Variants in RBPMS observed in about 807,000 individuals in gnomAD.
RBPMS encodes the protein RNA binding protein, mRNA processing factor, also known as RNA-binding protein with multiple splicing.
A neutral mutation model predicts 26.8 loss-of-function variants in RBPMS; 7 were observed. The ratio of observed to expected loss-of-function variants is 0.26; its 90% CI spans 0.15 to 0.49. The LOEUF is 0.49. RBPMS is among the 20% of genes least tolerant of loss of function. The probability of loss-of-function intolerance (pLI) is 0.98; values close to 1 mark genes in which losing one functional copy is unlikely to be tolerated. For missense variants in RBPMS, 186 were observed against 250.0 expected (o/e 0.74, Z 1.73); for synonymous variants, 96 against 93.3 (o/e 1.03, Z -0.17).
intron 7 of RBPMS, among the ~76,000 whole-genome samples, chr8:30,560,170 CAGGTA>C (rs1490901210): frequency 1.3e-4 from 20 of 152,264 alleles, no homozygotes; most frequent in Admixed American, 9.2e-4. Flanking sequence ...TTATTGTGCA[CAGGTA>C]AGTTGCCCTG....
intron 1 of RBPMS, chr8:30,442,530 T>C (rs572856126): frequency 1.3e-5 from 2 of 152,286 alleles, no homozygotes; most frequent in East Asian, 3.9e-4. Context: ...TCCATTTTAA[T>C]TGCATTCTCC....
intron 1 of RBPMS, among the ~76,000 whole-genome samples, chr8:30,451,766 C>A (rs1563331727): frequency 6.6e-6 from 1 of 152,130 alleles, no homozygotes; most frequent in Non-Finnish European, 1.5e-5. Context: ...GACATTTAGC[C>A]CATTTGTTTT....
chr8:30,551,555 T>C (rs1237924742), intron 6 of RBPMS, among the ~76,000 whole-genome samples: 1 of 152,208 alleles, frequency 6.6e-6, no homozygotes, highest in Non-Finnish European at 1.5e-5. Flanking sequence ...GTGTTCCATG[T>C]TGTCCTTTGC....
chr8:30,509,850 T>C (rs1234750469), intron 5 of RBPMS, among the ~76,000 whole-genome samples: 2 of 152,120 alleles, frequency 1.3e-5, no homozygotes, highest in Non-Finnish European at 2.9e-5. Context: ...AAATCCTACA[T>C]GCTTCTCAGA....
chr8:30,393,002 T>C (rs1807966501), intron 1 of RBPMS, among the ~76,000 whole-genome samples: 1 of 152,068 alleles, frequency 6.6e-6, no homozygotes, highest in Non-Finnish European at 1.5e-5. Context: ...GGAAACGTTG[T>C]GAGGGTTAGC....
At chr8:30,461,893 C>T (rs1418960184) in intron 1 of RBPMS, among the ~76,000 whole-genome samples, 2 of 152,178 alleles carry the variant, frequency 1.3e-5, no homozygotes, top group Non-Finnish European at 2.9e-5. Context: ...AACAAGTCCC[C>T]ACTACAGAGA....
chr8:30,551,584 G>C lies in RBPMS; in HGVS notation c.528+6960G>C, dbSNP rs373669028. ...CCTTTGCGGAAGGTTAAACTCCCCA[G>C]ATCCTACGCGCCTTCTCCCCTGTCC... On this transcript the variant is annotated intron_variant, in intron 6 of 8. Transcript: ENST00000397323. Among the ~76,000 whole-genome samples, 16 of 152,262 alleles carry C rather than the reference G, an allele frequency of 1.1e-4. No individual in the cohort carries two copies. In the East Asian group the frequency reaches 1.5e-3, roughly 15 times the overall value.
chr8:30,433,723 T>C (rs187861012), intron 1 of RBPMS, among the ~76,000 whole-genome samples: 3 of 152,140 alleles, frequency 2.0e-5, no homozygotes, highest in Middle Eastern at 3.4e-3. Flanking sequence ...GGCAGGATCA[T>C]TGGGATAATT....
At chr8:30,567,612 T>A (rs544325832) in intron 8 of RBPMS, among the ~76,000 whole-genome samples, 1 of 150,586 alleles carries the variant, frequency 6.6e-6, no homozygotes, top group Admixed American at 6.7e-5. Context: ...TTTCCACTTA[T>A]GCAATTTTTG....
intron 1 of RBPMS, among the ~76,000 whole-genome samples, chr8:30,390,894 G>A (rs1029206769): frequency 6.6e-6 from 1 of 152,140 alleles, no homozygotes; most frequent in Non-Finnish European, 1.5e-5. Flanking sequence ...ATATGAAATA[G>A]CCTTATTGGT....
chr8:30,545,548 C>A, intron 6 of RBPMS: 1 of 645,762 alleles, frequency 1.5e-6, no homozygotes, highest in Non-Finnish European at 1.9e-6. Flanking sequence ...TTAGGCTGGA[C>A]AGGCAGAGTT....
At chr8:30,561,251 G>GT (rs1473806896) in intron 7 of RBPMS, among the ~76,000 whole-genome samples, 3 of 152,064 alleles carry the variant, frequency 2.0e-5, no homozygotes, top group African/African-American at 7.2e-5. Flanking sequence ...CCAGAATTTT[G>GT]TAAGTCCATG....
chr8:30,496,448 G>A (rs914024865), intron 4 of RBPMS, among the ~76,000 whole-genome samples: 5 of 152,066 alleles, frequency 3.3e-5, no homozygotes, highest in Admixed American at 6.6e-5. Context: ...GATTACAGGC[G>A]TGAGCCACCG....
intron 4 of RBPMS, among the ~76,000 whole-genome samples, chr8:30,500,335 A>G (rs1038526829): frequency 5.7e-5 from 8 of 140,088 alleles, no homozygotes; most frequent in African/African-American, 2.1e-4. Flanking sequence ...AACATTGTTG[A>G]GTATCTTTTT....
Position 30,492,191 on chromosome 8 carries a change from C to T in RBPMS, c.247-12095C>T, listed in dbSNP as rs558555235. 3.9e-5 allele frequency among the ~76,000 whole-genome samples: 6 copies of T among 152,254 alleles called. No homozygotes were observed. In the South Asian group the frequency reaches 8.3e-4, roughly 21 times the overall value. On this transcript the variant is annotated intron_variant, in intron 4 of 8. Transcript: ENST00000397323. ...ACAGGTGTGAGCCACTGCGCCCAGC[C>T]GACACACTTGTTTTTTAAAATAATT...
chr8:30,485,863 T>C (rs1046184977), intron 4 of RBPMS, among the ~76,000 whole-genome samples: 12 of 152,370 alleles, frequency 7.9e-5, no homozygotes, highest in South Asian at 2.1e-4. Context: ...GTTCTCTTCA[T>C]GGTGGCCCTG....
At position 30,477,843 on chromosome 8, in the gene RBPMS, A is replaced by T; in HGVS notation, c.183+6A>T. ...TAAAGCTCACATCTAAACAGGTAAG[A>T]ATTTCAAAGTGGCATATAAAGATCA... On this transcript the variant is annotated splice_donor_region_variant and intron_variant, in intron 3 of 8. Transcript: ENST00000397323. 1 of 1,595,116 alleles carries T rather than the reference A, an allele frequency of 6.3e-7. No individual in the cohort carries two copies. The highest frequency in any genetic ancestry group is 1.3e-5 in the African/African-American group (1 of 74,670).
chr8:30,424,536 T>G (rs1277316968), intron 1 of RBPMS, among the ~76,000 whole-genome samples: 1 of 152,244 alleles, frequency 6.6e-6, no homozygotes, highest in African/African-American at 2.4e-5. Context: ...ATGGTTATAC[T>G]GGATTCATAA....
chr8:30,472,380 G>C (rs1284588965), intron 1 of RBPMS, among the ~76,000 whole-genome samples: 2 of 152,206 alleles, frequency 1.3e-5, no homozygotes, highest in Non-Finnish European at 1.5e-5. Flanking sequence ...AAAGAGATCA[G>C]AGCAGTGATT....
Sources: gnomAD v4.1 joint callset for allele counts (sites outside exome capture counted in the v4.1 genomes callset) on GRCh38, gnomAD v4.1.1 for gene constraint, MANE v1.5 for transcripts, NCBI Gene and HGNC (gene_info 2026-07-23, HGNC 2026-07-21) for gene names.